Variants in NEB observed in about 807,000 individuals in gnomAD.
NEB encodes nemaline myopathy type 2.
Under a neutral mutation model 952.2 loss-of-function variants are expected in NEB, and 512 were observed. The ratio of observed to expected loss-of-function variants is 0.54; its 90% CI spans 0.50 to 0.58. The LOEUF (loss-of-function observed/expected upper bound fraction) is 0.58, where lower values mean the gene tolerates loss of function less well. Among genes scored for constraint, NEB ranks in the 20% least tolerant of loss-of-function variants. The pLI, the probability that NEB is intolerant of heterozygous loss-of-function variation, is 0.00. For synonymous variants in NEB, 2,900 were observed against 3,149.8 expected, an observed-to-expected ratio of 0.92 and a Z score of 2.66; for missense variants, 8,428 against 9,231.1, an observed-to-expected ratio of 0.91 and a Z score of 3.56.
chr2:151,550,103 T>C (rs10174130), intron 129 of NEB, among the ~76,000 whole-genome samples: 96,160 of 151,416 alleles, frequency 0.64, 30,778 homozygotes, highest in East Asian at 0.77. Flanking sequence ...CCCACCTCTA[T>C]AAAAAATTTT....
chr2:151,573,773 C>T (rs949007498), intron 107 of NEB, among the ~76,000 whole-genome samples: 1 of 152,094 alleles, frequency 6.6e-6, no homozygotes, highest in Non-Finnish European at 1.5e-5. Flanking sequence ...GTAATTTCTG[C>T]GATCCATGAA....
chr2:151,694,733 T>A (rs1318034891), intron 18 of NEB, 104 bp from the exon 19 acceptor site: 2 of 847,820 alleles, frequency 2.4e-6, no homozygotes, highest in Non-Finnish European at 3.8e-6. Flanking sequence ...ATAAAATAAA[T>A]GGGCCCTTTT....
chr2:151,687,424 T>C lies in NEB; in HGVS notation c.2632A>G (p.Ser878Gly). The C allele has an allele frequency of 6.2e-7, 1 of 1,611,364 alleles. No individual in the cohort carries two copies. Among genetic ancestry groups the C allele is most frequent in the East Asian group, 2.2e-5 (1 of 44,878 alleles). Reference sequence around the variant, plus strand: ...AGATTCACAAAGACACTCACATCACTCTGGTTTTTGGCTGTCTTCAAGGAG... The same window carrying C: ...AGATTCACAAAGACACTCACATCACCCTGGTTTTTGGCTGTCTTCAAGGAG... ...LHSLKTAKNQSDREYRKDYEK... is the reference protein window; with the variant it reads ...LHSLKTAKNQGDREYRKDYEK... The change falls in exon 27 of 182, where the codon AGT (serine) becomes GGT (glycine). Residue 878 changes from serine to glycine, a missense_variant. Around this residue, in one of 11 missense-constraint regions of NEB, gnomAD observed 2,851 missense variants for 2,791.5 expected, o/e 1.02. Transcript: ENST00000397345.
intron 13 of NEB, among the ~76,000 whole-genome samples, chr2:151,700,811 C>T (rs1450514841): frequency 1.5e-5 from 2 of 134,900 alleles, no homozygotes; most frequent in East Asian, 4.1e-4. Flanking sequence ...CGTCTGCAAA[C>T]AGGGACAATT....
chr2:151,715,260 C>T (rs1020690838), intron 10 of NEB, among the ~76,000 whole-genome samples: 8 of 152,190 alleles, frequency 5.3e-5, no homozygotes, highest in Non-Finnish European at 1.0e-4. Flanking sequence ...ATACAGTTTA[C>T]TGAACCCAGT....
chr2:151,657,265 A>C (rs985785675), intron 48 of NEB, among the ~76,000 whole-genome samples: 1 of 152,172 alleles, frequency 6.6e-6, no homozygotes, highest in African/African-American at 2.4e-5. Flanking sequence ...GATGGGAGAG[A>C]AAGTAAAACT....
At chr2:151,628,229 A>T (rs148983133) in intron 68 of NEB, among the ~76,000 whole-genome samples, 1 of 152,300 alleles carries the variant, frequency 6.6e-6, no homozygotes, top group East Asian at 1.9e-4. Flanking sequence ...GAAATTTTAC[A>T]TATGATTTTG....
At chr2:151,568,589 G>A in intron 111 of NEB, 29 bp downstream of exon 111, 1 of 1,545,576 alleles carries the variant, frequency 6.5e-7, no homozygotes, top group Non-Finnish European at 8.9e-7. Flanking sequence ...CTGCATCACT[G>A]TGAGATTTTA....
At position 151,540,377 on chromosome 2, in the gene NEB, G is replaced by A; in HGVS notation, c.20859C>T (p.Ile6953=). The A allele has an allele frequency of 6.3e-7, 1 of 1,585,794 alleles. No homozygotes were observed. The highest frequency in any genetic ancestry group is 8.6e-7 in the Non-Finnish European group (1 of 1,164,124). Residue 6953 remains isoleucine (I), a synonymous_variant, in exon 138 of 182, where the codon ATC becomes ATT. Transcript: ENST00000397345. ...CATTCCAGTAAGCCCTCTTGGCTCT[G>A]ATGAGGATTGGCGTATCTGGAACCG... is the stretch of plus-strand genomic sequence containing the variant. ...YTPVPDTPIL[I]RAKRAYWNAS...
intron 161 of NEB, among the ~76,000 whole-genome samples, chr2:151,512,355 T>A (rs2075208339): frequency 6.8e-6 from 1 of 146,582 alleles, no homozygotes; most frequent in Non-Finnish European, 1.5e-5. Context: ...TTTTTAAGAG[T>A]CTCACCCTGT....
intron 110 of NEB, 148 bp downstream of exon 110, chr2:151,569,120 G>T: frequency 1.5e-6 from 1 of 677,998 alleles, no homozygotes. Flanking sequence ...GATAGCGACA[G>T]TACATTTTGA....
chr2:151,515,190 C>T (rs2076966389), intron 157 of NEB, among the ~76,000 whole-genome samples: 1 of 152,190 alleles, frequency 6.6e-6, no homozygotes, highest in Non-Finnish European at 1.5e-5. Context: ...GCAGGCCCTT[C>T]ACAGAGTGGA....
chr2:151,695,801 G>A, intron 17 of NEB, 119 bp from the exon 18 acceptor site: 1 of 725,968 alleles, frequency 1.4e-6, no homozygotes, highest in South Asian at 1.7e-5. Context: ...GACATCTAGA[G>A]CTTGGGTAGG....
At chr2:151,550,291 C>T (rs890563888) in intron 129 of NEB, among the ~76,000 whole-genome samples, 96 of 119,596 alleles carry the variant, frequency 8.0e-4, no homozygotes, top group African/African-American at 2.8e-3. Context: ...AAAAAAAAAA[C>T]ACTAATTCCT....
At chr2:151,647,334 T>C (rs1160360014) in intron 54 of NEB, among the ~76,000 whole-genome samples, 1 of 152,002 alleles carries the variant, frequency 6.6e-6, no homozygotes, top group South Asian at 2.1e-4. Context: ...GGTCTCGAAC[T>C]CCTGATCGCA....
At chr2:151,718,697 A>C (rs1420869121) in intron 9 of NEB, among the ~76,000 whole-genome samples, 1 of 151,954 alleles carries the variant, frequency 6.6e-6, no homozygotes, top group Non-Finnish European at 1.5e-5. Flanking sequence ...TCTCTCAGTC[A>C]TCCCTCCTCT....
At chr2:151,658,935 C>A (rs1020014562) in intron 47 of NEB, 130 bp downstream of exon 47, 1 of 801,460 alleles carries the variant, frequency 1.2e-6, no homozygotes, top group East Asian at 2.6e-5. Flanking sequence ...TAGAAAGAGT[C>A]TCATGTGTGG....
chr2:151,618,605 C>T, intron 73 of NEB, 127 bp from the exon 74 acceptor site: 1 of 931,552 alleles, frequency 1.1e-6, no homozygotes, highest in Non-Finnish European at 1.6e-6. Flanking sequence ...TAGTCATTCA[C>T]TCACTCACGC....
In NEB at chr2:151,505,558, C is replaced by G; in HGVS notation, c.23662G>C (p.Glu7888Gln). Residue 7888 changes from glutamate (E) to glutamine (Q), a missense_variant, in exon 165 of 182, where the codon GAA becomes CAA. Physicochemically the swap from Glu to Gln is conservative, Grantham distance 29. Around this residue, in one of 11 missense-constraint regions of NEB, gnomAD observed 3,374 missense variants for 3,651.5 expected, o/e 0.92. Coordinates refer to ENST00000397345, the MANE Select transcript of NEB (RefSeq NM_001164508.2). ...ATTGGAGTTCCTTGTCCTATTGCTT[C>G]CTTATACTTCACCTGCAGATTTAAA... ...QDHISSVKYK[E>Q]AIGQGTPIPD... 1 of 1,613,266 alleles carries G rather than the reference C, an allele frequency of 6.2e-7. No individual in the cohort carries two copies.
Sources: allele counts gnomAD v4.1 joint callset (sites outside exome capture counted in the v4.1 genomes callset), GRCh38; gene constraint gnomAD v4.1.1; regional missense constraint gnomAD v4.1.1; transcripts MANE v1.5; gene names NCBI Gene and HGNC (gene_info 2026-07-23, HGNC 2026-07-21).